NLRP12: variants seen among roughly 807,000 people sequenced by gnomAD.
NLRP12 encodes NACHT, LRR and PYD domains-containing protein 12.
Under a neutral mutation model 91.2 loss-of-function variants are expected in NLRP12, and 108 were observed. The observed-to-expected ratio is 1.18, with a 90% CI of 1.01 to 1.39. The LOEUF is 1.39. Among genes scored for constraint, NLRP12 ranks in the 40% most tolerant of loss-of-function variants. The probability of loss-of-function intolerance (pLI) is 0.00; values close to 1 mark genes in which losing one functional copy is unlikely to be tolerated. For synonymous variants in NLRP12, 613 were observed against 566.7 expected (o/e 1.08, Z -1.16); for missense variants, 1,530 against 1,352.7 (o/e 1.13, Z -2.06).
intron 5 of NLRP12, 72 bp downstream of exon 5, chr19:53,805,208 C>T (rs1284373855): frequency 1.3e-6 from 2 of 1,482,204 alleles, no homozygotes; most frequent in African/African-American, 2.8e-5. Flanking sequence ...TGGGGATTAC[C>T]AGCATTTTGT....
chr19:53,811,724 G>T, intron 2 of NLRP12, among the ~76,000 whole-genome samples: 1 of 151,316 alleles, frequency 6.6e-6, no homozygotes, highest in South Asian at 2.1e-4. Context: ...ATGCCACCAG[G>T]CCTGGCTAAT....
chr19:53,804,243 A>G, intron 5 of NLRP12, 121 bp from the exon 6 acceptor site: 2 of 1,081,072 alleles, frequency 1.9e-6, no homozygotes, highest in African/African-American at 1.6e-5. Context: ...CCCAGGGTGA[A>G]GTTCAGTGGA....
intron 5 of NLRP12, 68 bp downstream of exon 5, chr19:53,805,212 A>G: frequency 6.7e-7 from 1 of 1,503,086 alleles, no homozygotes; most frequent in South Asian, 1.1e-5. Flanking sequence ...GATTACCAGC[A>G]TTTTGTGATA....
At position 53,803,864 on chromosome 19, in the gene NLRP12, G is replaced by A. The variant is rs1021292494; in HGVS notation, c.2585+88C>T. 32 of 1,360,390 alleles carry A rather than the reference G, an allele frequency of 2.4e-5. 1 individual carries two copies. In the Middle Eastern group the frequency reaches 2.5e-3, roughly 107 times the overall value. The allele number at this position is 1,360,390 out of a possible 1,614,324, so 84.3% of individuals were successfully genotyped here. ...GCCGGGATTACAGGCGTGAGCCACT[G>A]CGCCCGACCTGTGGATGCATTTTTA... is the stretch of plus-strand genomic sequence containing the variant. On this transcript the variant is annotated intron_variant, in intron 6 of 9. Transcript: ENST00000324134.
intron 7 of NLRP12, among the ~76,000 whole-genome samples, chr19:53,799,551 T>C (rs552349364): frequency 6.6e-6 from 1 of 151,936 alleles, no homozygotes; most frequent in African/African-American, 2.4e-5. Context: ...TGGCAAAATC[T>C]CAGCTCACTG....
At chr19:53,802,966 C>T (rs1264256614) in intron 6 of NLRP12, among the ~76,000 whole-genome samples, 1 of 152,062 alleles carries the variant, frequency 6.6e-6, no homozygotes, top group South Asian at 2.1e-4. Context: ...CCAGGCTGCT[C>T]TTGAGCTCCT....
chr19:53,798,743 A>C (rs2091816184), intron 7 of NLRP12, among the ~76,000 whole-genome samples: 2 of 152,020 alleles, frequency 1.3e-5, no homozygotes, highest in East Asian at 1.9e-4. Context: ...TACAAAAAAA[A>C]ATTTTTTTTC....
intron 8 of NLRP12, 72 bp from the exon 9 acceptor site, chr19:53,796,101 C>G (rs769192783): frequency 2.1e-6 from 3 of 1,440,256 alleles, no homozygotes; most frequent in East Asian, 2.3e-5. Context: ...GTGTCTCACC[C>G]TGTCTCCCAG....
intron 4 of NLRP12, chr19:53,805,663 G>A (rs1217852736): frequency 1.8e-5 from 11 of 608,742 alleles, no homozygotes; most frequent in Middle Eastern, 4.4e-4. Flanking sequence ...GCTTACAGAC[G>A]TGTGCCACCA....
chr19:53,803,276 A>C (rs2091903428), intron 6 of NLRP12, among the ~76,000 whole-genome samples: 3 of 151,750 alleles, frequency 2.0e-5, no homozygotes, highest in South Asian at 4.2e-4. Flanking sequence ...CCGCCTCCCA[A>C]GTTCAAGTGA....
At chr19:53,799,012 T>TTTC in intron 7 of NLRP12, among the ~76,000 whole-genome samples, 1 of 140,050 alleles carries the variant, frequency 7.1e-6, no homozygotes, top group African/African-American at 2.7e-5. Flanking sequence ...ATCTACAAAT[T>TTTC]TTTTTTTTTT....
intron 9 of NLRP12, among the ~76,000 whole-genome samples, chr19:53,794,780 C>G (rs2091718844): frequency 6.6e-6 from 1 of 151,708 alleles, no homozygotes; most frequent in African/African-American, 2.4e-5. Context: ...GATTCTCCTG[C>G]CTTAGCCTCC....
chr19:53,800,377 G>A (rs555308776), intron 7 of NLRP12, among the ~76,000 whole-genome samples: 1 of 152,272 alleles, frequency 6.6e-6, no homozygotes, highest in South Asian at 2.1e-4. Flanking sequence ...GCTGAGTTGG[G>A]AGGATGGCTT....
chr19:53,802,777 C>T (rs1206051908), intron 6 of NLRP12, among the ~76,000 whole-genome samples: 1 of 151,872 alleles, frequency 6.6e-6, no homozygotes, highest in Non-Finnish European at 1.5e-5. Context: ...ATTAAATTTA[C>T]TTTTTATTTT....
rs963481544 is a variant in NLRP12, at chr19:53,814,810, A to T, written c.370+98T>A. The T allele has an allele frequency of 1.7e-5, 16 of 947,222 alleles. No homozygotes were observed. The African/African-American group carries it at 2.6e-4, about 15-fold the overall frequency. The allele number at this position is 947,222 out of a possible 1,614,324, so 58.7% of individuals were successfully genotyped here. The stretch of plus-strand genomic sequence containing the variant: ...TTTGATGGTGTCATTAATCCACCCC[A>T]CGAATTCCTCAATCACGCGTTTGTG... On this transcript the variant is annotated intron_variant, in intron 2 of 9. Transcript: ENST00000324134.
intron 1 of NLRP12, among the ~76,000 whole-genome samples, chr19:53,818,456 A>G (rs1021000489): frequency 2.6e-5 from 4 of 151,966 alleles, no homozygotes; most frequent in African/African-American, 9.7e-5. Flanking sequence ...TCATGAGGTC[A>G]GGAGATTGAG....
In NLRP12 at chr19:53,814,803, C is replaced by T. The variant is rs1035956785; in HGVS notation, c.370+105G>A. 7.4e-5 allele frequency: 66 copies of T among 887,326 alleles called. No homozygotes were observed. The African/African-American group carries it at 1.0e-3, about 14-fold the overall frequency. 55.0% of individuals were successfully genotyped at this position (887,326 alleles called of 1,614,324 possible). A position where few individuals can be genotyped will look rare whatever the true frequency, so the allele number is the denominator to read the frequency against. ...CTGCCCCTTTGATGGTGTCATTAAT[C>T]CACCCCACGAATTCCTCAATCACGC... On this transcript the variant is annotated intron_variant, in intron 2 of 9. Transcript: ENST00000324134.
rs375902224 is a variant in NLRP12 at position 53,804,573 on chromosome 19, T to C, written c.2415-451A>G. Among the ~76,000 whole-genome samples the C allele has an allele frequency of 5.6e-4, 85 of 151,140 alleles. No homozygotes were observed. In the Middle Eastern group the frequency reaches 0.017, roughly 30 times the overall value. ...ACAGGTGTGTGCCACCACGCCCAGC[T>C]AAGTTTTGCATTTTTAGTAGAGACG... On this transcript the variant is annotated intron_variant, in intron 5 of 9. Coordinates refer to ENST00000324134, the MANE Select transcript of NLRP12 (RefSeq NM_144687.4).
At position 53,808,032 on chromosome 19, in the gene NLRP12, G is replaced by C. The variant is rs1291539790; in HGVS notation, c.2073-367C>G. On this transcript the variant is annotated intron_variant, in intron 3 of 9. Transcript: ENST00000324134. The stretch of plus-strand genomic sequence containing the variant: ...CCTGAAGTGCTGGGATTACAGGCGT[G>C]AGCCACCACATCCGGCCAAAGCATG... The C allele has an allele frequency of 1.1e-5, 4 of 356,484 alleles. No individual in the cohort carries two copies. The East Asian group carries it at 2.9e-4, about 26-fold the overall frequency. 22.1% of individuals were successfully genotyped at this position (356,484 alleles called of 1,614,324 possible).
Sources: gnomAD v4.1 joint callset for allele counts (sites outside exome capture counted in the v4.1 genomes callset) on GRCh38, gnomAD v4.1.1 for gene constraint, MANE v1.5 for transcripts, NCBI Gene and HGNC (gene_info 2026-07-23, HGNC 2026-07-21) for gene names.